The following MPP7 variants were observed in gnomAD, a reference collection of about 807,000 sequenced individuals.
The protein encoded by MPP7 is MAGUK p55 scaffold protein 7, also known as MAGUK p55 subfamily member 7.
In MPP7, 60 loss-of-function variants were observed where a neutral mutation model predicts 76.5. The ratio of observed to expected loss-of-function variants is 0.78; its 90% CI spans 0.64 to 0.97. MPP7 has a LOEUF of 0.97. Ranked by LOEUF, MPP7 falls within the 50% of genes least tolerant of loss-of-function variation. The pLI is 0.00. For missense variants in MPP7, 641 were observed against 694.0 expected, an observed-to-expected ratio of 0.92 and a Z score of 0.86; for synonymous variants, 237 against 244.5, an observed-to-expected ratio of 0.97 and a Z score of 0.29.
intron 6 of MPP7, 89 bp downstream of exon 6, chr10:28,131,471 G>A (rs1185313203): frequency 1.8e-6 from 2 of 1,104,580 alleles, no homozygotes; most frequent in Non-Finnish European, 2.4e-6. Flanking sequence ...GAACATAGAG[G>A]AAGTATATTT....
At chr10:28,122,758 G>A (rs558302848) in intron 8 of MPP7, among the ~76,000 whole-genome samples, 108 of 152,030 alleles carry the variant, frequency 7.1e-4, no homozygotes, top group African/African-American at 2.5e-3. Flanking sequence ...TGAAACATTA[G>A]CCTTTTATTA....
Position 28,329,652 on chromosome 10 carries a change from A to C in MPP7, c.-132+277T>G, listed in dbSNP as rs1046898241. On this transcript the variant is annotated intron_variant, in intron 2 of 11. Transcript: ENST00000441595. ...TCTCAAAAAAAAAAAAAAAAAAAAA[A>C]CCACTACTTTACTAATACTTTTCTA... Among the ~76,000 whole-genome samples the C allele has an allele frequency of 2.8e-4, 40 of 140,378 alleles. 1 individual carries two copies. Among genetic ancestry groups the C allele is most frequent in the Middle Eastern group, 7.4e-3 (2 of 272 alleles). 92.1% of individuals were successfully genotyped at this position (140,378 alleles called of 152,430 possible).
intron 3 of MPP7, among the ~76,000 whole-genome samples, chr10:28,179,941 A>G (rs1485041562): frequency 6.6e-6 from 1 of 152,200 alleles, no homozygotes. Flanking sequence ...TTAGCTTTTA[A>G]CTGAACACAG....
At chr10:28,315,009 G>A (rs1841310254) in intron 2 of MPP7, among the ~76,000 whole-genome samples, 6 of 151,994 alleles carry the variant, frequency 3.9e-5, no homozygotes, top group Admixed American at 2.6e-4. Context: ...TTAGCCAGGT[G>A]TGGTGGTACA....
chr10:28,189,588 A>C lies in MPP7; in HGVS notation c.156+12565T>G, dbSNP rs574501359. On this transcript the variant is annotated intron_variant, in intron 3 of 16. Transcript: ENST00000683449. Reference sequence around the variant, plus strand: ...CCTGTCTCAAAAAAAAAAAAAAAAAAAAAAAAAAAAACCTGTATTTGTTGT... The same window carrying C: ...CCTGTCTCAAAAAAAAAAAAAAAAACAAAAAAAAAAACCTGTATTTGTTGT... 3.0e-4 allele frequency among the ~76,000 whole-genome samples: 45 copies of C among 150,378 alleles called. No homozygotes were observed. In the South Asian group the frequency reaches 9.2e-3, roughly 31 times the overall value.
At chr10:28,265,315 T>G (rs1311945876) in intron 1 of MPP7, among the ~76,000 whole-genome samples, 1 of 152,110 alleles carries the variant, frequency 6.6e-6, no homozygotes, top group Admixed American at 6.5e-5. Flanking sequence ...TCCCAACACT[T>G]TGGGAGGCCA....
At chr10:28,054,349 T>G in intron 16 of MPP7, 105 bp from the exon 17 acceptor site, 1 of 669,254 alleles carries the variant, frequency 1.5e-6, no homozygotes, top group Non-Finnish European at 2.5e-6. Context: ...TGTTCTGTGT[T>G]CAGTCTTTCC....
chr10:28,186,713 T>TG (rs1411517773), intron 3 of MPP7, among the ~76,000 whole-genome samples: 1 of 152,096 alleles, frequency 6.6e-6, no homozygotes, highest in Admixed American at 6.5e-5. Context: ...AATCCAGAAA[T>TG]GCGGGTGATA....
At chr10:28,296,149 G>A (rs1841031003) in intron 1 of MPP7, among the ~76,000 whole-genome samples, 1 of 152,152 alleles carries the variant, frequency 6.6e-6, no homozygotes, top group Non-Finnish European at 1.5e-5. Flanking sequence ...ACCTGATTAA[G>A]GTCATCAAAG....
chr10:28,126,616 C>A (rs1835024848), intron 6 of MPP7, among the ~76,000 whole-genome samples: 1 of 152,192 alleles, frequency 6.6e-6, no homozygotes, highest in African/African-American at 2.4e-5. Context: ...CTTCCCATAA[C>A]CTTTCGTTCA....
At chr10:28,088,237 C>T (rs1220566002) in intron 12 of MPP7, among the ~76,000 whole-genome samples, 1 of 152,136 alleles carries the variant, frequency 6.6e-6, no homozygotes, top group East Asian at 1.9e-4. Flanking sequence ...AGTATCATCA[C>T]GAGTTTATAA....
At chr10:28,169,550 G>C (rs559860274) in intron 3 of MPP7, among the ~76,000 whole-genome samples, 1 of 152,248 alleles carries the variant, frequency 6.6e-6, no homozygotes, top group South Asian at 2.1e-4. Context: ...TTAGATAATT[G>C]CCATCTTTAC....
At chr10:28,066,029 C>A (rs1851976043) in intron 13 of MPP7, among the ~76,000 whole-genome samples, 1 of 152,014 alleles carries the variant, frequency 6.6e-6, no homozygotes, top group South Asian at 2.1e-4. Context: ...TTGATGATAA[C>A]CTATACAGCC....
In MPP7 at chr10:28,191,518, T is replaced by C. The variant is rs200443823; in HGVS notation, c.156+10635A>G. 1.1e-4 allele frequency among the ~76,000 whole-genome samples: 16 copies of C among 152,302 alleles called. No homozygotes were observed. The East Asian group carries it at 3.1e-3, about 29-fold the overall frequency. On this transcript the variant is annotated intron_variant, in intron 3 of 16. Transcript: ENST00000683449. ...GAAATGCTCCAAAATCTGATACTTT[T>C]TGAGTGCTGACAAGGACATGATGCT...
At chr10:28,215,852 T>C (rs1231319772) in intron 2 of MPP7, among the ~76,000 whole-genome samples, 8 of 152,128 alleles carry the variant, frequency 5.3e-5, no homozygotes, top group Admixed American at 5.2e-4. Flanking sequence ...GTAAGCATCT[T>C]TTAAATAAAA....
At chr10:28,230,213 TAGAA>T (rs751117686) in intron 2 of MPP7, among the ~76,000 whole-genome samples, 7 of 151,920 alleles carry the variant, frequency 4.6e-5, no homozygotes, top group South Asian at 2.1e-4. Flanking sequence ...ATATAAGTAA[TAGAA>T]AGAAAGAATA....
intron 8 of MPP7, among the ~76,000 whole-genome samples, chr10:28,121,779 G>A (rs1394082438): frequency 2.0e-5 from 3 of 151,416 alleles, no homozygotes; most frequent in Non-Finnish European, 4.4e-5. Context: ...CTCACTATCT[G>A]TGGTGCACTG....
intron 1 of MPP7, among the ~76,000 whole-genome samples, chr10:28,275,062 A>G (rs1221702698): frequency 2.0e-5 from 3 of 152,196 alleles, no homozygotes; most frequent in Non-Finnish European, 4.4e-5. Context: ...AGTAAAAGGC[A>G]TTGTTGAACC....
chr10:28,149,486 G>T (rs1835809520), intron 4 of MPP7, among the ~76,000 whole-genome samples: 1 of 152,162 alleles, frequency 6.6e-6, no homozygotes, highest in South Asian at 2.1e-4. Flanking sequence ...AGGTAATTTG[G>T]AAAAGTCTAA....
Sources: gnomAD v4.1 joint callset for allele counts (sites outside exome capture counted in the v4.1 genomes callset) on GRCh38, gnomAD v4.1.1 for gene constraint, MANE v1.5 for transcripts, NCBI Gene and HGNC (gene_info 2026-07-23, HGNC 2026-07-21) for gene names.